BLOC1S3: variants seen among roughly 807,000 people sequenced by gnomAD.
The protein encoded by BLOC1S3 is biogenesis of lysosome-related organelles complex 1 subunit 3.
A neutral mutation model predicts 9.1 loss-of-function variants in BLOC1S3; 7 were observed. The ratio of observed to expected loss-of-function variants is 0.77; its 90% CI spans 0.44 to 1.45. The LOEUF is 1.45. BLOC1S3 is among the 40% of genes most tolerant of loss of function. BLOC1S3 has a pLI of 0.01. For missense variants in BLOC1S3, 307 were observed against 315.2 expected, an observed-to-expected ratio of 0.97 and a Z score of 0.20; for synonymous variants, 145 against 158.4, an observed-to-expected ratio of 0.92 and a Z score of 0.64.
chr19:45,194,584 G>A (rs1461228978), intron 2 of BLOC1S3, among the ~76,000 whole-genome samples: 1 of 152,096 alleles, frequency 6.6e-6, no homozygotes, highest in Non-Finnish European at 1.5e-5. Context: ...CAATCCATTG[G>A]TGACTGGGTA....
chr19:45,212,798 C>G, intron 3 of BLOC1S3: 1 of 384,818 alleles, frequency 2.6e-6, no homozygotes, highest in Non-Finnish European at 4.6e-6. Flanking sequence ...GCAGGTCTCA[C>G]TATGTTGCCC....
At chr19:45,206,826 CTT>C (rs899385677) in intron 3 of BLOC1S3, among the ~76,000 whole-genome samples, 4 of 151,516 alleles carry the variant, frequency 2.6e-5, no homozygotes, top group Non-Finnish European at 5.9e-5. Flanking sequence ...AGCTATAGCT[CTT>C]TGTTTTATTA....
chr19:45,208,468 G>A (rs1049459788), intron 3 of BLOC1S3, among the ~76,000 whole-genome samples: 5 of 151,406 alleles, frequency 3.3e-5, no homozygotes, highest in Admixed American at 6.6e-5. Context: ...TTAGCTGGGC[G>A]TGGTGTCGGG....
chr19:45,216,946 T>A (rs1969841673), downstream of BLOC1S3: 1 of 152,182 alleles, frequency 6.6e-6, no homozygotes, highest in Non-Finnish European at 1.5e-5. Flanking sequence ...TCTGGCGGTT[T>A]TTAATTCCAG....
intron 2 of BLOC1S3, among the ~76,000 whole-genome samples, chr19:45,192,515 C>G (rs1969613838): frequency 6.6e-6 from 1 of 152,174 alleles, no homozygotes; most frequent in Non-Finnish European, 1.5e-5. Context: ...GTCACCACGT[C>G]AGGGAATATG....
At chr19:45,203,213 C>T (rs1271057293) in intron 3 of BLOC1S3, among the ~76,000 whole-genome samples, 4 of 152,106 alleles carry the variant, frequency 2.6e-5, no homozygotes, top group Non-Finnish European at 5.9e-5. Flanking sequence ...CAGCAAGGCA[C>T]CAGGACTTGC....
At position 45,179,276 on chromosome 19, in the gene BLOC1S3, C is replaced by T. The variant is rs376817930; in HGVS notation, c.-9-12C>T. ...CGGTCTCACGTGCAGTCCCTTCGCT[C>T]TTCTCCCCTAGTTCGGTGCCATGGC... On this transcript the variant is annotated splice_polypyrimidine_tract_variant and intron_variant, in intron 1 of 1. Coordinates refer to ENST00000433642, the MANE Select transcript of BLOC1S3 (RefSeq NM_212550.5). The surrounding 1 kb of genome is among the most constrained non-coding windows in gnomAD (Gnocchi z 4.6). 15 of 1,561,642 alleles carry T rather than the reference C, an allele frequency of 9.6e-6. No individual in the cohort carries two copies. Among genetic ancestry groups the T allele is most frequent in the Non-Finnish European group, 1.1e-5 (13 of 1,162,688 alleles).
intron 3 of BLOC1S3, among the ~76,000 whole-genome samples, chr19:45,204,532 C>T (rs900099340): frequency 2.6e-5 from 4 of 151,980 alleles, no homozygotes; most frequent in Non-Finnish European, 5.9e-5. Context: ...CAACTAGTTG[C>T]ATTCAGATGG....
chr19:45,186,800 A>G (rs551085250), downstream of BLOC1S3, among the ~76,000 whole-genome samples: 5 of 152,338 alleles, frequency 3.3e-5, no homozygotes, highest in East Asian at 3.9e-4. Flanking sequence ...TGGAGGCCCT[A>G]TGATCTGGTC....
intron 2 of BLOC1S3, among the ~76,000 whole-genome samples, chr19:45,195,567 C>CTCCCTCCCCCCT (rs1969641391): frequency 1.5e-5 from 2 of 130,034 alleles, no homozygotes; most frequent in African/African-American, 2.9e-5. Flanking sequence ...CCTTCCCTCC[C>CTCCCTCCCCCCT]TCCCTCCCTC....
intron 2 of BLOC1S3, chr19:45,187,880 T>A (rs1449245499): frequency 6.6e-6 from 1 of 152,148 alleles, no homozygotes; most frequent in Non-Finnish European, 1.5e-5. Flanking sequence ...TTTAATTTTT[T>A]AATTTTTTGT....
At chr19:45,195,752 G>C (rs1470965591) in intron 2 of BLOC1S3, among the ~76,000 whole-genome samples, 1 of 151,956 alleles carries the variant, frequency 6.6e-6, no homozygotes, top group African/African-American at 2.4e-5. Context: ...GCACCACCAC[G>C]CTTGGCTAAT....
intron 3 of BLOC1S3, chr19:45,212,971 T>G: frequency 7.8e-7 from 1 of 1,288,472 alleles, no homozygotes. Flanking sequence ...ATCCCAGGGG[T>G]GTGTGGTCCC....
chr19:45,194,537 ATTGT>A (rs1405295919), intron 2 of BLOC1S3, among the ~76,000 whole-genome samples: 1 of 152,202 alleles, frequency 6.6e-6, no homozygotes, highest in African/African-American at 2.4e-5. Flanking sequence ...GCTTAGATAA[ATTGT>A]TTGTACCTTC....
chr19:45,205,151 G>A (rs762748346), intron 3 of BLOC1S3, among the ~76,000 whole-genome samples: 1 of 148,030 alleles, frequency 6.8e-6, no homozygotes, highest in Middle Eastern at 3.2e-3. Flanking sequence ...CCAACTCTAT[G>A]CTGCCCACAA....
At chr19:45,197,780 G>A (rs1370938958) in intron 2 of BLOC1S3, among the ~76,000 whole-genome samples, 2 of 131,982 alleles carry the variant, frequency 1.5e-5, no homozygotes, top group Admixed American at 9.3e-5. Flanking sequence ...ACCCAAGATT[G>A]CACCACTGCA....
intron 3 of BLOC1S3, among the ~76,000 whole-genome samples, chr19:45,212,249 T>C (rs1393057796): frequency 6.6e-6 from 1 of 152,100 alleles, no homozygotes; most frequent in Non-Finnish European, 1.5e-5. Context: ...TCCCTCTACC[T>C]CCACTACCCT....
intron 3 of BLOC1S3, among the ~76,000 whole-genome samples, chr19:45,212,269 C>CTGGA (rs1479858169): frequency 6.6e-6 from 1 of 152,232 alleles, no homozygotes; most frequent in African/African-American, 2.4e-5. Flanking sequence ...TGCCCAGGAG[C>CTGGA]TGGAGCCCAG....
intron 3 of BLOC1S3, among the ~76,000 whole-genome samples, chr19:45,211,563 G>A (rs920828239): frequency 9.2e-5 from 14 of 151,576 alleles, no homozygotes; most frequent in African/African-American, 2.7e-4. Context: ...TGAGGAAGGT[G>A]CACCCTCAGG....
Sources: gnomAD v4.1 joint callset for allele counts (sites outside exome capture counted in the v4.1 genomes callset) on GRCh38, gnomAD v4.1.1 for gene constraint, Gnocchi (gnomAD v3.1) non-coding constraint, MANE v1.5 for transcripts, NCBI Gene and HGNC (gene_info 2026-07-23, HGNC 2026-07-21) for gene names.